Variants in CNTN5 observed in about 807,000 individuals in gnomAD.
CNTN5 encodes contactin-5.
Under a neutral mutation model 129.1 loss-of-function variants are expected in CNTN5, and 77 were observed. That is an observed-to-expected ratio of 0.60 (90% CI 0.50 to 0.72). The LOEUF is 0.72. CNTN5 is among the 30% of genes least tolerant of loss of function. CNTN5 has a pLI of 0.00. For missense variants in CNTN5, 1,478 were observed against 1,328.8 expected (o/e 1.11, Z -1.75); for synonymous variants, 509 against 465.6 (o/e 1.09, Z -1.20).
At chr11:99,815,408 G>C (rs933324359) in intron 3 of CNTN5, among the ~76,000 whole-genome samples, 6 of 152,028 alleles carry the variant, frequency 3.9e-5, no homozygotes, top group African/African-American at 7.3e-5. Context: ...AAAAGGGCTG[G>C]GCAGCTAAGA....
intron 1 of CNTN5, among the ~76,000 whole-genome samples, chr11:99,139,950 T>C (rs1375526676): frequency 6.6e-6 from 1 of 152,122 alleles, no homozygotes; most frequent in Non-Finnish European, 1.5e-5. Flanking sequence ...CGATATTAAG[T>C]GTCTTATGAA....
intron 13 of CNTN5, among the ~76,000 whole-genome samples, chr11:100,084,528 G>A (rs1017278246): frequency 6.6e-6 from 1 of 152,002 alleles, no homozygotes; most frequent in African/African-American, 2.4e-5. Context: ...TAGAGGTTTG[G>A]TTACAAATTA....
At chr11:99,653,026 G>A (rs1039938867) in intron 3 of CNTN5, among the ~76,000 whole-genome samples, 2 of 151,900 alleles carry the variant, frequency 1.3e-5, no homozygotes, top group Non-Finnish European at 2.9e-5. Flanking sequence ...AAAAGGATAA[G>A]GATGAGGAAA....
intron 3 of CNTN5, among the ~76,000 whole-genome samples, chr11:99,673,851 A>G (rs659593): frequency 0.56 from 85,528 of 152,008 alleles, 25,411 homozygotes; most frequent in Non-Finnish European, 0.67. Flanking sequence ...TCAGTCTATC[A>G]TTGATGAGCA....
intron 13 of CNTN5, among the ~76,000 whole-genome samples, chr11:100,131,937 A>G (rs1946390940): frequency 6.6e-6 from 1 of 152,094 alleles, no homozygotes. Context: ...TTGGAAGGGC[A>G]CTGAGGCAAG....
rs960875863 is a variant in CNTN5 at position 99,303,921 on chromosome 11, G to A, written c.-209-21425G>A. ...GTGTCTAATAAGCAACATATTTGTG[G>A]AGGCCTAAAAAATGGTTTGAATAAT... On this transcript the variant is annotated intron_variant, in intron 1 of 24. Transcript: ENST00000524871. Among the ~76,000 whole-genome samples the A allele has an allele frequency of 2.0e-5, 3 of 152,094 alleles. No homozygotes were observed. In the South Asian group the frequency reaches 6.2e-4, roughly 32 times the overall value.
chr11:99,296,282 G>C (rs1282156043), intron 1 of CNTN5, among the ~76,000 whole-genome samples: 1 of 152,098 alleles, frequency 6.6e-6, no homozygotes. Flanking sequence ...ACCCTTCTCA[G>C]CTGTGAGATT....
At chr11:99,886,604 A>G (rs1057377126) in intron 6 of CNTN5, among the ~76,000 whole-genome samples, 8 of 152,308 alleles carry the variant, frequency 5.3e-5, no homozygotes, top group East Asian at 3.9e-4. Context: ...ACCATATACC[A>G]TGAGACATAT....
intron 9 of CNTN5, among the ~76,000 whole-genome samples, chr11:100,022,410 A>C (rs1037192176): frequency 6.6e-6 from 1 of 152,244 alleles, no homozygotes; most frequent in Admixed American, 6.5e-5. Context: ...TTCTTTGTAC[A>C]TTCTATTCTT....
intron 13 of CNTN5, among the ~76,000 whole-genome samples, chr11:100,149,750 C>T (rs1946987730): frequency 6.6e-6 from 1 of 151,892 alleles, no homozygotes; most frequent in Non-Finnish European, 1.5e-5. Flanking sequence ...AAAAAATTAG[C>T]CAGGCATGGT....
At chr11:99,573,846 C>T (rs116410596) in intron 3 of CNTN5, among the ~76,000 whole-genome samples, 173 of 151,976 alleles carry the variant, frequency 1.1e-3, no homozygotes, top group African/African-American at 3.9e-3. Context: ...TCTAAGTTTC[C>T]AAGACATGTT....
At chr11:99,971,940 A>G (rs1177553910) in intron 8 of CNTN5, among the ~76,000 whole-genome samples, 2 of 150,580 alleles carry the variant, frequency 1.3e-5, no homozygotes, top group East Asian at 1.9e-4. Flanking sequence ...ATAATTGACA[A>G]TGCTTAAGAA....
intron 13 of CNTN5, among the ~76,000 whole-genome samples, chr11:100,189,844 GT>G (rs1159957682): frequency 4.6e-5 from 7 of 151,978 alleles, no homozygotes; most frequent in Non-Finnish European, 8.8e-5. Context: ...ACCATTTCTA[GT>G]TTGACTTTTT....
intron 1 of CNTN5, among the ~76,000 whole-genome samples, chr11:99,305,057 A>C (rs1048952519): frequency 6.6e-6 from 1 of 152,162 alleles, no homozygotes; most frequent in African/African-American, 2.4e-5. Flanking sequence ...TCTTTACAGA[A>C]CAATGTCAAA....
chr11:100,307,567 G>A lies in CNTN5; in HGVS notation c.2621-792G>A, dbSNP rs1026889098. On this transcript the variant is annotated intron_variant, in intron 20 of 24. Coordinates refer to ENST00000524871, the MANE Select transcript of CNTN5 (RefSeq NM_014361.4). ...CACTGAATGTAGAAACAAATGAAAA[G>A]GTGGTTTTGAGCCACGGCACTGAAC... Among the ~76,000 whole-genome samples the A allele has an allele frequency of 3.3e-5, 5 of 151,620 alleles. No individual in the cohort carries two copies. The East Asian group carries it at 5.9e-4, about 18-fold the overall frequency.
intron 1 of CNTN5, among the ~76,000 whole-genome samples, chr11:99,142,973 T>G (rs1450150843): frequency 6.6e-6 from 1 of 152,244 alleles, no homozygotes; most frequent in East Asian, 1.9e-4. Context: ...AGCTTCTCTA[T>G]CCTTCAATCC....
At chr11:99,619,897 G>C (rs1353972533) in intron 3 of CNTN5, among the ~76,000 whole-genome samples, 1 of 151,772 alleles carries the variant, frequency 6.6e-6, no homozygotes, top group Non-Finnish European at 1.5e-5. Flanking sequence ...ATGGTGGCGG[G>C]CGCCTGTAGT....
chr11:99,250,457 T>G (rs1208429634), intron 1 of CNTN5, among the ~76,000 whole-genome samples: 1 of 151,972 alleles, frequency 6.6e-6, no homozygotes. Context: ...ATTTAAAATA[T>G]CATTGGGAAA....
chr11:100,230,302 G>A (rs891042491), intron 16 of CNTN5, among the ~76,000 whole-genome samples: 6 of 152,082 alleles, frequency 3.9e-5, no homozygotes, highest in African/African-American at 1.2e-4. Flanking sequence ...TATTGTATGG[G>A]ATTATTTAAA....
Sources: gnomAD v4.1 joint callset for allele counts (sites outside exome capture counted in the v4.1 genomes callset) on GRCh38, gnomAD v4.1.1 for gene constraint, MANE v1.5 for transcripts, NCBI Gene and HGNC (gene_info 2026-07-23, HGNC 2026-07-21) for gene names.